MRPS22: variants seen among roughly 807,000 people sequenced by gnomAD.
MRPS22 encodes mitochondrial ribosomal protein S22.
A neutral mutation model predicts 44.0 loss-of-function variants in MRPS22; 30 were observed. The ratio of observed to expected loss-of-function variants is 0.68; its 90% CI spans 0.51 to 0.93. The LOEUF (loss-of-function observed/expected upper bound fraction) is 0.93. Among genes scored for constraint, MRPS22 ranks in the 40% least tolerant of loss-of-function variants. The pLI, the probability that MRPS22 is intolerant of heterozygous loss-of-function variation, is 0.00. For synonymous variants in MRPS22, 165 were observed against 154.4 expected (o/e 1.07, Z -0.51); for missense variants, 447 against 447.8 (o/e 1.00, Z 0.02).
At chr3:139,351,525 C>T (rs1364623401) in intron 5 of MRPS22, 2 of 216,404 alleles carry the variant, frequency 9.2e-6, no homozygotes, top group Admixed American at 5.2e-5. Flanking sequence ...GCCAGCAGTC[C>T]GGATATGGCT....
rs770495361 is a variant in MRPS22, at chr3:139,344,212, C to T, written c.172+14C>T. 5.0e-6 allele frequency: 8 copies of T among 1,594,944 alleles called. No homozygotes were observed. Among genetic ancestry groups the T allele is most frequent in the African/African-American group, 1.3e-5 (1 of 74,672 alleles). ...GCTCCGAGGCCGGTAAGTGACCTTC[C>T]GGACTTTCGCTGGGGCGTTCTTCTG... On this transcript the variant is annotated intron_variant, in intron 1 of 7. Transcript: ENST00000680020.
chr3:139,350,860 T>C, intron 4 of MRPS22, 117 bp from the exon 5 acceptor site: 2 of 803,012 alleles, frequency 2.5e-6, no homozygotes, highest in Non-Finnish European at 2.2e-6. Context: ...TCTTTCTTTA[T>C]GCTTCTTGAG....
At chr3:139,347,544 T>A (rs1046637558) in intron 2 of MRPS22, among the ~76,000 whole-genome samples, 3 of 152,160 alleles carry the variant, frequency 2.0e-5, no homozygotes, top group Admixed American at 6.5e-5. Flanking sequence ...GTCAGCAAAA[T>A]ATATATATCT....
At chr3:139,346,193 T>C (rs574346133) in intron 1 of MRPS22, among the ~76,000 whole-genome samples, 1 of 152,304 alleles carries the variant, frequency 6.6e-6, no homozygotes, top group Admixed American at 6.5e-5. Context: ...TGCAATCTCT[T>C]AGCCTAGACT....
At chr3:139,349,183 G>A in intron 3 of MRPS22, 1 of 372,756 alleles carries the variant, frequency 2.7e-6, no homozygotes, top group Non-Finnish European at 5.2e-6. Context: ...ATATATGTTT[G>A]CAGTGCTGTG....
At position 139,345,090 on chromosome 3, in the gene MRPS22, C is replaced by T. The variant is rs979811931; in HGVS notation, c.172+892C>T. ...CTGAGCACTTGCTGTGTGCTGGATA[C>T]CCTGAGGAACCCTGGGTGCCAGAGA... On this transcript the variant is annotated intron_variant, in intron 1 of 7. Transcript: ENST00000680020. Among the ~76,000 whole-genome samples, 58 of 152,124 alleles carry T rather than the reference C, an allele frequency of 3.8e-4. 1 individual carries two copies. Among genetic ancestry groups the T allele is most frequent in the Admixed American group, 2.4e-3 (36 of 15,266 alleles).
At position 139,344,286 on chromosome 3, in the gene MRPS22, C is replaced by T. The variant is rs1424056446; in HGVS notation, c.172+88C>T. The stretch of plus-strand genomic sequence containing the variant: ...CAGGCGAAAACCACGCGATAGCCCC[C>T]GCGACACGTATCCTAGCGCTTCCTC... On this transcript the variant is annotated intron_variant, in intron 1 of 7. Transcript: ENST00000680020. The T allele has an allele frequency of 5.1e-6, 7 of 1,372,044 alleles. No individual in the cohort carries two copies. The South Asian group carries it at 8.7e-5, about 17-fold the overall frequency. The allele number at this position is 1,372,044 out of a possible 1,614,324, so 85.0% of individuals were successfully genotyped here. A position where few individuals can be genotyped will look rare whatever the true frequency, so the allele number is the denominator to read the frequency against.
At chr3:139,346,263 A>G (rs895476881) in intron 1 of MRPS22, among the ~76,000 whole-genome samples, 1 of 152,010 alleles carries the variant, frequency 6.6e-6, no homozygotes. Flanking sequence ...TGACCCTGTC[A>G]TGCCCATCCC....
At position 139,352,655 on chromosome 3, in the gene MRPS22, C is replaced by G. The variant is rs140631494; in HGVS notation, c.741C>G (p.His247Gln). The change falls in exon 6 of 8, where the codon CAC becomes CAG. Residue 247 changes from histidine (H) to glutamine (Q), a missense_variant. Coordinates refer to ENST00000680020, the MANE Select transcript of MRPS22 (RefSeq NM_020191.4). ...PDSTEYIKVH[H>Q]KTYEDIDKRG... ...GCATTTTATGTGGATAGGTTCATCA[C>G]AAGACCTATGAAGATATAGATAAAC... 3.2e-3 allele frequency: 5,152 copies of G among 1,612,886 alleles called. 17 individuals are homozygous for G. Among genetic ancestry groups the G allele is most frequent in the Non-Finnish European group, 3.3e-3 (3,846 of 1,179,000 alleles).
chr3:139,347,104 T>C, intron 2 of MRPS22, 60 bp downstream of exon 2: 3 of 1,568,004 alleles, frequency 1.9e-6, no homozygotes, highest in Admixed American at 1.7e-5. Context: ...ACAACATTTC[T>C]AGAGGCCCCT....
intron 7 of MRPS22, among the ~76,000 whole-genome samples, chr3:139,356,166 CCTGT>C (rs1283273527): frequency 6.6e-6 from 1 of 152,204 alleles, no homozygotes; most frequent in Non-Finnish European, 1.5e-5. Context: ...AGAGCAGCTT[CCTGT>C]CTTTGTGTGG....
chr3:139,344,038 C>G lies in MRPS22; in HGVS notation c.12C>G (p.Leu4=), dbSNP rs776015225. 3 of 1,614,184 alleles carry G rather than the reference C, an allele frequency of 1.9e-6. No individual in the cohort carries two copies. The highest frequency in any genetic ancestry group is 1.6e-4 in the Middle Eastern group (1 of 6,062). Residue 4 remains leucine (L), a synonymous_variant, in exon 1 of 8, where the codon CTC becomes CTG. Coordinates refer to ENST00000680020, the MANE Select transcript of MRPS22 (RefSeq NM_020191.4). ...GGCTTCTGATAATCATGGCGCCCCT[C>G]GGAACAACTGTATTGCTGTGGAGCC... is the stretch of plus-strand genomic sequence containing the variant. MAP[L]GTTVLLWSLL...
rs564513059 is a variant in MRPS22, at chr3:139,350,760, C to A, written c.649-217C>A. 3.5e-5 allele frequency: 20 copies of A among 578,920 alleles called. No individual in the cohort carries two copies. In the South Asian group the frequency reaches 3.6e-4, roughly 10 times the overall value. The allele number at this position is 578,920 out of a possible 1,614,324, so 35.9% of individuals were successfully genotyped here. ...CGACTTCTTTCTTAATAGAATCCTCCTTACCACCCAAGATGGGTTGTACTA... is the reference window on the plus strand; with the variant it reads ...CGACTTCTTTCTTAATAGAATCCTCATTACCACCCAAGATGGGTTGTACTA... On this transcript the variant is annotated intron_variant, in intron 4 of 7. Coordinates refer to ENST00000680020, the MANE Select transcript of MRPS22 (RefSeq NM_020191.4).
Position 139,350,253 on chromosome 3 carries a change from A to G in MRPS22, c.579A>G (p.Ile193Met), listed in dbSNP as rs748386059. Residue 193 changes from isoleucine (I) to methionine (M), a missense_variant, in exon 4 of 8, where the codon ATA becomes ATG. By Grantham distance (10) the Ile-to-Met change is conservative. Coordinates refer to ENST00000680020, the MANE Select transcript of MRPS22 (RefSeq NM_020191.4). Reference protein sequence around the residue: ...KASWEERDRMIQVYFPKEGRK... With the variant: ...KASWEERDRMMQVYFPKEGRK... ...CTTGGGAAGAACGGGACCGAATGAT[A>G]CAAGTTTATTTCCCAAAAGAAGGTC... 2.8e-5 allele frequency: 46 copies of G among 1,614,182 alleles called. 1 individual carries two copies. The South Asian group carries it at 4.9e-4, about 17-fold the overall frequency.
At chr3:139,356,281 C>A (rs911385082) in intron 7 of MRPS22, among the ~76,000 whole-genome samples, 6 of 152,308 alleles carry the variant, frequency 3.9e-5, no homozygotes, top group East Asian at 1.9e-4. Flanking sequence ...GAGCTGCATA[C>A]CTCTCAAAAC....
At chr3:139,355,084 T>A (rs1326860548) in intron 6 of MRPS22, among the ~76,000 whole-genome samples, 1 of 152,208 alleles carries the variant, frequency 6.6e-6, no homozygotes, top group African/African-American at 2.4e-5. Flanking sequence ...TAGAACCCGA[T>A]TTTCCTTTTT....
chr3:139,346,483 G>A (rs992114397), intron 1 of MRPS22, among the ~76,000 whole-genome samples: 2 of 152,136 alleles, frequency 1.3e-5, no homozygotes, highest in African/African-American at 4.8e-5. Context: ...TCTTTGGATA[G>A]GCTTCAGCAT....
Position 139,352,620 on chromosome 3 carries a change from C to T in MRPS22, c.733-27C>T, listed in dbSNP as rs749534978. 6 of 1,606,242 alleles carry T rather than the reference C, an allele frequency of 3.7e-6. No homozygotes were observed. The East Asian group carries it at 1.3e-4, about 36-fold the overall frequency. On this transcript the variant is annotated intron_variant, in intron 5 of 7. Transcript: ENST00000680020. ...CTGCATACTTCTTATTTTCATGTTTCTGAAGAGTTGCATTTTATGTGGATA... is the reference window on the plus strand; with the variant it reads ...CTGCATACTTCTTATTTTCATGTTTTTGAAGAGTTGCATTTTATGTGGATA...
At chr3:139,356,169 G>A (rs1160868812) in intron 7 of MRPS22, among the ~76,000 whole-genome samples, 1 of 152,204 alleles carries the variant, frequency 6.6e-6, no homozygotes, top group Non-Finnish European at 1.5e-5. Context: ...GCAGCTTCCT[G>A]TCTTTGTGTG....
Sources: gnomAD v4.1 joint callset for allele counts (sites outside exome capture counted in the v4.1 genomes callset) on GRCh38, gnomAD v4.1.1 for gene constraint, MANE v1.5 for transcripts, NCBI Gene and HGNC (gene_info 2026-07-23, HGNC 2026-07-21) for gene names.